MARCHF10: variants seen among roughly 807,000 people sequenced by gnomAD.
MARCHF10 encodes membrane associated ring-CH-type finger 10.
MARCHF10 carries 64 observed loss-of-function variants against 76.2 expected under a neutral mutation model. The observed-to-expected ratio is 0.84, with a 90% CI of 0.69 to 1.03. The LOEUF (loss-of-function observed/expected upper bound fraction) is 1.03, where lower values mean the gene tolerates loss of function less well. Ranked by LOEUF, MARCHF10 falls within the 50% of genes least tolerant of loss-of-function variation. The pLI is 0.00. For missense variants in MARCHF10, 875 were observed against 958.0 expected, an observed-to-expected ratio of 0.91 and a Z score of 1.14; for synonymous variants, 340 against 357.5, an observed-to-expected ratio of 0.95 and a Z score of 0.55.
chr17:62,730,362 G>C (rs2090971215), intron 6 of MARCHF10, among the ~76,000 whole-genome samples: 3 of 152,220 alleles, frequency 2.0e-5, no homozygotes, highest in Non-Finnish European at 4.4e-5. Context: ...GGAAAGGATA[G>C]AATGATTGTG....
At chr17:62,705,489 G>A (rs752623793) in intron 10 of MARCHF10, 50 bp downstream of exon 10, 6 of 1,614,078 alleles carry the variant, frequency 3.7e-6, no homozygotes, top group Admixed American at 1.7e-5. Context: ...CAGAAAAAGA[G>A]TAATTTAGCA....
At chr17:62,746,235 G>T (rs553923743) in intron 4 of MARCHF10, among the ~76,000 whole-genome samples, 1 of 152,340 alleles carries the variant, frequency 6.6e-6, no homozygotes, top group East Asian at 1.9e-4. Flanking sequence ...AAGACAGAGA[G>T]GATCATGCCC....
At position 62,759,744 on chromosome 17, in the gene MARCHF10, T is replaced by C. The variant is rs1030698647; in HGVS notation, c.382+91A>G. The stretch of plus-strand genomic sequence containing the variant: ...CCTCAGCCTCTCAAAGTGCTGGGAT[T>C]ACAGGCGTGAGCCACCGTGCTCGGC... On this transcript the variant is annotated intron_variant, in intron 4 of 10. Coordinates refer to ENST00000311269, the MANE Select transcript of MARCHF10 (RefSeq NM_152598.4). 6.6e-5 allele frequency: 88 copies of C among 1,342,256 alleles called. 2 individuals carry two copies. In the South Asian group the frequency reaches 1.2e-3, roughly 18 times the overall value. 83.1% of individuals were successfully genotyped at this position (1,342,256 alleles called of 1,614,324 possible).
intron 10 of MARCHF10, among the ~76,000 whole-genome samples, chr17:62,702,399 C>G (rs558281395): frequency 1.4e-5 from 2 of 147,146 alleles, no homozygotes; most frequent in African/African-American, 5.1e-5. Context: ...CCTGTAATCC[C>G]AGCGCTTTGG....
intron 3 of MARCHF10, among the ~76,000 whole-genome samples, chr17:62,767,950 G>A (rs1047454918): frequency 5.9e-5 from 9 of 152,170 alleles, no homozygotes; most frequent in African/African-American, 2.2e-4. Flanking sequence ...CAGAAGCAAT[G>A]TGTGCAGCCT....
intron 6 of MARCHF10, among the ~76,000 whole-genome samples, chr17:62,728,136 C>T (rs1350731451): frequency 6.6e-6 from 1 of 152,188 alleles, no homozygotes; most frequent in Non-Finnish European, 1.5e-5. Flanking sequence ...CTGATCCTCC[C>T]ACTCCAGCCT....
chr17:62,708,830 G>A (rs1218556772), intron 9 of MARCHF10, among the ~76,000 whole-genome samples: 2 of 152,154 alleles, frequency 1.3e-5, no homozygotes, highest in African/African-American at 2.4e-5. Flanking sequence ...ATAAGAGGCA[G>A]GCATAGAAGG....
rs200469364 is a variant in MARCHF10 at position 62,782,648 on chromosome 17, C to T, written c.210+5832G>A. Among the ~76,000 whole-genome samples the T allele has an allele frequency of 1.9e-4, 29 of 152,068 alleles. No individual in the cohort carries two copies. In the East Asian group the frequency reaches 3.5e-3, roughly 18 times the overall value. ...GTGTGAGCTACCGCGCCTGGCCAAA[C>T]GACTGTATTTTAATAAAAATTGGGC... On this transcript the variant is annotated intron_variant, in intron 3 of 10. Transcript: ENST00000311269.
chr17:62,705,449 C>T (rs543509755), intron 10 of MARCHF10, 90 bp downstream of exon 10: 1 of 1,611,230 alleles, frequency 6.2e-7, no homozygotes. Context: ...GTCATTCCTT[C>T]CTTCCATGGC....
chr17:62,807,530 G>C (rs889480435), intron 1 of MARCHF10, among the ~76,000 whole-genome samples: 5 of 152,178 alleles, frequency 3.3e-5, no homozygotes, highest in Admixed American at 3.3e-4. Flanking sequence ...TCACAGGTTT[G>C]ACAAGCAATT....
Position 62,738,138 on chromosome 17 carries a change from T to C in MARCHF10, c.536-806A>G, listed in dbSNP as rs2091367520. On this transcript the variant is annotated intron_variant, in intron 5 of 10. Transcript: ENST00000311269. This position sits in a 1 kb window ranked among gnomAD's most constrained non-coding sequence, Gnocchi z 4.0. The stretch of plus-strand genomic sequence containing the variant: ...CAACCCTGTGAAATAGGTAACACAA[T>C]CATACGACATTATAACTTGAGAGTA... Among the ~76,000 whole-genome samples the C allele has an allele frequency of 7.1e-6, 1 of 139,984 alleles. No homozygotes were observed. Among genetic ancestry groups the C allele is most frequent in the Non-Finnish European group, 1.5e-5 (1 of 65,302 alleles). 91.8% of individuals were successfully genotyped at this position (139,984 alleles called of 152,430 possible).
At chr17:62,742,185 A>G (rs1240134466) in intron 5 of MARCHF10, among the ~76,000 whole-genome samples, 1 of 149,914 alleles carries the variant, frequency 6.7e-6, no homozygotes, top group Non-Finnish European at 1.5e-5. Flanking sequence ...ACGCCCAGCT[A>G]ATTTTTGTAT....
At chr17:62,774,464 T>G (rs1440392948) in intron 3 of MARCHF10, among the ~76,000 whole-genome samples, 1 of 151,916 alleles carries the variant, frequency 6.6e-6, no homozygotes, top group South Asian at 2.1e-4. Context: ...CAAGCCTCGG[T>G]GGACAGTGTT....
At chr17:62,755,231 CA>C (rs1409352598) in intron 4 of MARCHF10, among the ~76,000 whole-genome samples, 1 of 152,244 alleles carries the variant, frequency 6.6e-6, no homozygotes, top group Non-Finnish European at 1.5e-5. Context: ...TCCTGGCACA[CA>C]GCTCAGGGGA....
At chr17:62,737,457 G>A (rs749016536) in intron 5 of MARCHF10, 125 bp from the exon 6 acceptor site, 5 of 864,230 alleles carry the variant, frequency 5.8e-6, no homozygotes, top group Non-Finnish European at 7.3e-6. Context: ...AAACAGACAC[G>A]GTCAAAATGG....
chr17:62,797,803 A>G (rs1472462437), intron 2 of MARCHF10, among the ~76,000 whole-genome samples: 1 of 152,204 alleles, frequency 6.6e-6, no homozygotes. Flanking sequence ...GGATGCTAGG[A>G]GGCCAGTTAT....
chr17:62,793,442 T>TCACCACCATCAC (rs796216511), intron 2 of MARCHF10, among the ~76,000 whole-genome samples: 2 of 64,986 alleles, frequency 3.1e-5, no homozygotes, highest in African/African-American at 1.3e-4. Flanking sequence ...ACCACAACCA[T>TCACCACCATCAC]CACCACCATC....
intron 2 of MARCHF10, among the ~76,000 whole-genome samples, chr17:62,791,245 G>A (rs1473910189): frequency 6.6e-6 from 1 of 152,212 alleles, no homozygotes; most frequent in Non-Finnish European, 1.5e-5. Flanking sequence ...GACTTCAAAT[G>A]GGAGCTTGTG....
At chr17:62,752,610 C>T (rs914788825) in intron 4 of MARCHF10, among the ~76,000 whole-genome samples, 1 of 149,342 alleles carries the variant, frequency 6.7e-6, no homozygotes, top group Non-Finnish European at 1.5e-5. Flanking sequence ...GGCCCTCAAG[C>T]CCACTCCCTC....
Sources: allele counts gnomAD v4.1 joint callset (sites outside exome capture counted in the v4.1 genomes callset), GRCh38; gene constraint gnomAD v4.1.1; non-coding constraint Gnocchi (gnomAD v3.1); transcripts MANE v1.5; gene names NCBI Gene and HGNC (gene_info 2026-07-23, HGNC 2026-07-21).